The following LAMB4 variants were observed in gnomAD, a reference collection of about 807,000 sequenced individuals.
LAMB4 encodes the protein laminin subunit beta-4.
Under a neutral mutation model 199.2 loss-of-function variants are expected in LAMB4, and 196 were observed. That is an observed-to-expected ratio of 0.98 (90% CI 0.88 to 1.11). The LOEUF is 1.11. Ranked by LOEUF, LAMB4 falls within the 50% of genes least tolerant of loss-of-function variation. The pLI is 0.00. For missense variants in LAMB4, 2,080 were observed against 2,171.2 expected (o/e 0.96, Z 0.83); for synonymous variants, 744 against 770.6 (o/e 0.97, Z 0.57).
chr7:108,095,157 A>T, intron 12 of LAMB4, 71 bp downstream of exon 12: 1 of 1,107,330 alleles, frequency 9.0e-7, no homozygotes, highest in East Asian at 2.4e-5. Context: ...AGCAAAACCA[A>T]GTCTTACCTA....
chr7:108,103,596 C>T (rs1364517518), intron 9 of LAMB4, among the ~76,000 whole-genome samples: 1 of 152,200 alleles, frequency 6.6e-6, no homozygotes, highest in East Asian at 1.9e-4. Context: ...GAAATTTTTA[C>T]ATGAAATATT....
intron 10 of LAMB4, among the ~76,000 whole-genome samples, chr7:108,099,641 G>T (rs929363885): frequency 6.6e-6 from 1 of 152,068 alleles, no homozygotes; most frequent in Non-Finnish European, 1.5e-5. Context: ...CACTTTTAAG[G>T]CGTGTAATAA....
At chr7:108,066,631 CGG>C in intron 19 of LAMB4, 31 bp from the exon 20 acceptor site, 1 of 1,416,298 alleles carries the variant, frequency 7.1e-7, no homozygotes, top group African/African-American at 1.4e-5. Flanking sequence ...TATGCTGGAG[CGG>C]GGATGAGTGG....
intron 33 of LAMB4, among the ~76,000 whole-genome samples, chr7:108,028,452 C>G (rs977345196): frequency 2.7e-5 from 4 of 146,180 alleles, no homozygotes; most frequent in African/African-American, 1.0e-4. Flanking sequence ...CCGTTGAGAA[C>G]AGAGTTAGAA....
Position 108,034,652 on chromosome 7 carries a change from C to T in LAMB4, c.4680-306G>A, listed in dbSNP as rs73424708. Among the ~76,000 whole-genome samples the T allele has an allele frequency of 2.6e-3, 403 of 152,200 alleles. 3 individuals are homozygous for T. The highest frequency in any genetic ancestry group is 9.2e-3 in the African/African-American group (381 of 41,548). ...CAATCTTTGCACATAAAAACTATCC[C>T]GTGAATTCCAGTTTCCCTGATGTCT... On this transcript the variant is annotated intron_variant, in intron 30 of 33. Coordinates refer to ENST00000388781, the MANE Select transcript of LAMB4 (RefSeq NM_007356.3).
intron 19 of LAMB4, among the ~76,000 whole-genome samples, chr7:108,067,205 T>TA (rs1003172190): frequency 2.2e-4 from 34 of 151,888 alleles, no homozygotes; most frequent in African/African-American, 7.7e-4. Flanking sequence ...TAACTTTTCT[T>TA]AAAAAAAAGA....
chr7:108,092,561 C>A (rs765766252), intron 12 of LAMB4, 145 bp from the exon 13 acceptor site: 2 of 667,382 alleles, frequency 3.0e-6, no homozygotes, highest in Non-Finnish European at 5.4e-6. Context: ...CTGGCCTATG[C>A]GCTTGGCTAA....
chr7:108,029,457 T>C (rs965332171), intron 32 of LAMB4, among the ~76,000 whole-genome samples: 2 of 152,188 alleles, frequency 1.3e-5, no homozygotes, highest in African/African-American at 4.8e-5. Flanking sequence ...GGCAACTATG[T>C]CTGAGGCACC....
intron 22 of LAMB4, among the ~76,000 whole-genome samples, chr7:108,063,548 C>G (rs1406623545): frequency 6.6e-6 from 1 of 152,200 alleles, no homozygotes; most frequent in Non-Finnish European, 1.5e-5. Flanking sequence ...CTAATAACAC[C>G]AGTGAGAACA....
At chr7:108,072,186 G>A (rs917019145) in intron 17 of LAMB4, among the ~76,000 whole-genome samples, 17 of 152,194 alleles carry the variant, frequency 1.1e-4, no homozygotes, top group Admixed American at 1.1e-3. Flanking sequence ...AGAAAACCCT[G>A]TTTATAGTTT....
At chr7:108,128,941 G>A (rs550802098) in intron 1 of LAMB4, among the ~76,000 whole-genome samples, 2 of 152,172 alleles carry the variant, frequency 1.3e-5, no homozygotes, top group South Asian at 2.1e-4. Context: ...TTCCAAAGGC[G>A]CTGGGTGCAT....
intron 14 of LAMB4, among the ~76,000 whole-genome samples, chr7:108,089,127 T>C (rs1254477281): frequency 1.3e-5 from 2 of 152,120 alleles, no homozygotes; most frequent in Non-Finnish European, 2.9e-5. Context: ...AGTACTCCTG[T>C]CTAGCCTGCT....
chr7:108,089,743 G>A (rs978073659), intron 14 of LAMB4, among the ~76,000 whole-genome samples: 1 of 152,150 alleles, frequency 6.6e-6, no homozygotes, highest in Non-Finnish European at 1.5e-5. Context: ...GCTCACTGCA[G>A]CCTCAACCTC....
At chr7:108,070,297 T>G (rs190464110) in intron 17 of LAMB4, among the ~76,000 whole-genome samples, 1 of 152,254 alleles carries the variant, frequency 6.6e-6, no homozygotes, top group Non-Finnish European at 1.5e-5. Flanking sequence ...TTGCTTTATC[T>G]GTCCTGAAAC....
At chr7:108,124,486 A>T (rs1454209822) in intron 1 of LAMB4, among the ~76,000 whole-genome samples, 1 of 152,202 alleles carries the variant, frequency 6.6e-6, no homozygotes, top group Non-Finnish European at 1.5e-5. Context: ...ATACACACAC[A>T]TGCATATATA....
Position 108,091,666 on chromosome 7 carries a change from T to A in LAMB4, c.1661A>T (p.Glu554Val). 6.2e-7 allele frequency: 1 copy of A among 1,614,160 alleles called. No individual in the cohort carries two copies. Among genetic ancestry groups the A allele is most frequent in the Middle Eastern group, 1.6e-4 (1 of 6,062 alleles). ...TTGGAGTGTTGTGGCTTCCTCTGCC[T>A]CGTAGAGATAGAAATTCAAAGGAGC... ...FFAPLNFYLYEAEEATTLQGL... is the reference protein window; with the variant it reads ...FFAPLNFYLYVAEEATTLQGL... Residue 554 changes from glutamate to valine, a missense_variant, in exon 14 of 34, where the codon GAG becomes GTG. By Grantham distance (121) the Glu-to-Val change is moderately radical. Transcript: ENST00000388781.
chr7:108,106,617 C>A, intron 6 of LAMB4, 45 bp from the exon 7 acceptor site: 3 of 1,084,026 alleles, frequency 2.8e-6, no homozygotes, highest in Admixed American at 4.4e-5. Context: ...TACCTGAAAA[C>A]GTAATTGTCA....
At chr7:108,126,651 G>T (rs998213439) in intron 1 of LAMB4, among the ~76,000 whole-genome samples, 1 of 126,770 alleles carries the variant, frequency 7.9e-6, no homozygotes, top group Non-Finnish European at 1.6e-5. Context: ...TGCAAGCTCC[G>T]CTTCCCGGGT....
chr7:108,080,218 G>A (rs1217957312), intron 14 of LAMB4, among the ~76,000 whole-genome samples: 1 of 152,132 alleles, frequency 6.6e-6, no homozygotes, highest in Non-Finnish European at 1.5e-5. Flanking sequence ...TTATTTTCTA[G>A]ATACTTCTTC....
Sources: allele counts gnomAD v4.1 joint callset (sites outside exome capture counted in the v4.1 genomes callset), GRCh38; gene constraint gnomAD v4.1.1; transcripts MANE v1.5; gene names NCBI Gene and HGNC (gene_info 2026-07-23, HGNC 2026-07-21).